The following ARID2 variants were observed in gnomAD, a reference collection of about 807,000 sequenced individuals.
ARID2 encodes the protein AT-rich interactive domain-containing protein 2.
In ARID2, 32 loss-of-function variants were observed where a neutral mutation model predicts 184.6. That is an observed-to-expected ratio of 0.17 (90% CI 0.13 to 0.23). ARID2 has a LOEUF of 0.23. ARID2 is among the 10% of genes least tolerant of loss of function. The pLI, the probability that ARID2 is intolerant of heterozygous loss-of-function variation, is 1.00. For synonymous variants in ARID2, 836 were observed against 772.6 expected, an observed-to-expected ratio of 1.08 and a Z score of -1.36; for missense variants, 1,696 against 2,197.6, an observed-to-expected ratio of 0.77 and a Z score of 4.56.
intron 6 of ARID2, among the ~76,000 whole-genome samples, chr12:45,829,679 GTTATC>G (rs1943072228): frequency 7.0e-6 from 1 of 142,594 alleles, no homozygotes; most frequent in Non-Finnish European, 1.6e-5. Flanking sequence ...TTTCTTCTAG[GTTATC>G]TTGTCTTTAT....
Position 45,852,350 on chromosome 12 carries a change from T to C in ARID2, c.4227T>C (p.Gly1409=), listed in dbSNP as rs61745993. The C allele has an allele frequency of 7.2e-5, 116 of 1,614,086 alleles. No homozygotes were observed. The African/African-American group carries it at 1.3e-3, about 18-fold the overall frequency. The change falls in exon 15 of 21, where the codon GGT becomes GGC. Residue 1409 remains glycine (G), a synonymous_variant. Coordinates refer to ENST00000334344, the MANE Select transcript of ARID2 (RefSeq NM_152641.4). ...TCACTCAGCAAGATACTGCCAAAGG[T>C]GATCAACTAGAAAGAATTTCTAATG... ...LDITQQDTAK[G]DQLERISNGP...
chr12:45,738,779 CTTTTTTTTTTTTTTTTT>C (rs11333868), intron 3 of ARID2, among the ~76,000 whole-genome samples: 26,114 of 65,068 alleles, frequency 0.4, 3,803 homozygotes, highest in Middle Eastern at 0.49. Context: ...ATATGGGCTA[CTTTTTTTTTTTTTTTTT>C]TTTTTTTTTT....
At chr12:45,896,955 C>A (rs911199668) in intron 20 of ARID2, among the ~76,000 whole-genome samples, 1 of 152,134 alleles carries the variant, frequency 6.6e-6, no homozygotes, top group Non-Finnish European at 1.5e-5. Context: ...AGAATTCATA[C>A]GTAATCTCAA....
intron 11 of ARID2, chr12:45,841,635 A>T (rs1487727373): frequency 6.6e-6 from 1 of 152,190 alleles, no homozygotes; most frequent in Admixed American, 6.5e-5. Flanking sequence ...ATCATAATTT[A>T]AATAGTTGCA....
At chr12:45,803,732 C>T (rs866251136) in intron 3 of ARID2, among the ~76,000 whole-genome samples, 1 of 152,110 alleles carries the variant, frequency 6.6e-6, no homozygotes, top group African/African-American at 2.4e-5. Flanking sequence ...TACTCTGCCA[C>T]TTTATTGTTT....
intron 16 of ARID2, among the ~76,000 whole-genome samples, chr12:45,872,560 G>A (rs188647870): frequency 2.6e-5 from 4 of 152,228 alleles, no homozygotes; most frequent in South Asian, 2.1e-4. Flanking sequence ...AAGTAAACAC[G>A]TCCTTCACAT....
chr12:45,848,977 T>C lies in ARID2; in HGVS notation c.1715+7T>C, dbSNP rs763587600. The C allele has an allele frequency of 1.2e-6, 2 of 1,606,032 alleles. No homozygotes were observed. Among genetic ancestry groups the C allele is most frequent in the Non-Finnish European group, 1.7e-6 (2 of 1,176,608 alleles). On this transcript the variant is annotated splice_region_variant and intron_variant, in intron 13 of 20. Coordinates refer to ENST00000334344, the MANE Select transcript of ARID2 (RefSeq NM_152641.4). ...GATTTTATAAATGTCTTAGGTAGGA[T>C]CCATAGTTCTTTAAATAAAGTCCAT...
At position 45,850,290 on chromosome 12, in the gene ARID2, A is replaced by G. The variant is rs746167865; in HGVS notation, c.2167A>G (p.Ile723Val). ...TAAGGCTACAGTTATCCAGAATTCC[A>G]TACCCCAGACAGGAGTTCCTGTTAG... Reference protein sequence around the residue: ...VVKATVIQNSIPQTGVPVSIA... With the variant: ...VVKATVIQNSVPQTGVPVSIA... Residue 723 changes from isoleucine to valine, a missense_variant, in exon 15 of 21, where the codon ATA (isoleucine) becomes GTA (valine). Around this residue, in one of 11 missense-constraint regions of ARID2, gnomAD observed 713 missense variants for 824.4 expected, o/e 0.86. Coordinates refer to ENST00000334344, the MANE Select transcript of ARID2 (RefSeq NM_152641.4). The G allele has an allele frequency of 1.9e-6, 3 of 1,614,098 alleles. No homozygotes were observed. Among genetic ancestry groups the G allele is most frequent in the Non-Finnish European group, 2.5e-6 (3 of 1,179,968 alleles).
intron 16 of ARID2, among the ~76,000 whole-genome samples, chr12:45,889,079 G>A (rs1182878911): frequency 6.6e-6 from 1 of 152,168 alleles, no homozygotes; most frequent in African/African-American, 2.4e-5. Context: ...CTACTCGGGA[G>A]GCTGAGGCAA....
At chr12:45,764,550 C>T (rs1206199127) in intron 3 of ARID2, among the ~76,000 whole-genome samples, 4 of 152,176 alleles carry the variant, frequency 2.6e-5, no homozygotes, top group Non-Finnish European at 5.9e-5. Context: ...CTGGCAACCG[C>T]TAATCTGTTT....
intron 3 of ARID2, among the ~76,000 whole-genome samples, chr12:45,771,611 T>A (rs1473212440): frequency 6.6e-6 from 1 of 151,750 alleles, no homozygotes; most frequent in Non-Finnish European, 1.5e-5. Flanking sequence ...AGTTTGAGGC[T>A]GCAGTGAGCT....
At chr12:45,792,864 G>A (rs1448533345) in intron 3 of ARID2, among the ~76,000 whole-genome samples, 1 of 151,984 alleles carries the variant, frequency 6.6e-6, no homozygotes, top group Admixed American at 6.6e-5. Context: ...CAGCCAATTT[G>A]GTTAATATCT....
chr12:45,838,876 T>C (rs1200230199), intron 10 of ARID2, among the ~76,000 whole-genome samples: 1 of 151,538 alleles, frequency 6.6e-6, no homozygotes, highest in Non-Finnish European at 1.5e-5. Context: ...TTGTTTTTTT[T>C]TTTTTTTGAG....
At chr12:45,868,238 C>T (rs560258011) in intron 16 of ARID2, among the ~76,000 whole-genome samples, 8 of 152,254 alleles carry the variant, frequency 5.3e-5, no homozygotes, top group African/African-American at 1.9e-4. Flanking sequence ...GTCAGGAGTT[C>T]GAGACCAGCC....
At position 45,852,606 on chromosome 12, in the gene ARID2, C is replaced by T. The variant is rs2138180044; in HGVS notation, c.4483C>T (p.His1495Tyr). ...AVPDSGSKVS[H>Y]SPALSSDVRS... ...TCCCGACTCAGGATCAAAAGTATCC[C>T]ATTCTCCTGCCCTATCATCTGACGT... Residue 1495 changes from histidine to tyrosine, a missense_variant, in exon 15 of 21, where the codon CAT (histidine) becomes TAT (tyrosine). By Grantham distance (83) the His-to-Tyr change is moderately conservative. Coordinates refer to ENST00000334344, the MANE Select transcript of ARID2 (RefSeq NM_152641.4). 6.2e-7 allele frequency: 1 copy of T among 1,614,162 alleles called. No homozygotes were observed. Among genetic ancestry groups the T allele is most frequent in the East Asian group, 2.2e-5 (1 of 44,890 alleles).
chr12:45,859,006 T>G (rs551390349), intron 15 of ARID2, among the ~76,000 whole-genome samples: 2 of 152,340 alleles, frequency 1.3e-5, no homozygotes, highest in South Asian at 4.1e-4. Context: ...CTTCCTTCTT[T>G]CATTTGTATG....
At chr12:45,760,389 T>C (rs1463499949) in intron 3 of ARID2, among the ~76,000 whole-genome samples, 1 of 152,198 alleles carries the variant, frequency 6.6e-6, no homozygotes, top group Non-Finnish European at 1.5e-5. Flanking sequence ...ATTTTGAGGT[T>C]TTTAAATTTT....
intron 5 of ARID2, among the ~76,000 whole-genome samples, chr12:45,818,570 A>G (rs1288879223): frequency 1.3e-5 from 2 of 152,022 alleles, no homozygotes; most frequent in African/African-American, 2.4e-5. Flanking sequence ...CCCAACTCCA[A>G]CCCCATTTTT....
At chr12:45,766,429 A>T (rs1160194638) in intron 3 of ARID2, among the ~76,000 whole-genome samples, 1 of 151,874 alleles carries the variant, frequency 6.6e-6, no homozygotes, top group African/African-American at 2.4e-5. Flanking sequence ...TGGCCTCCCA[A>T]AGTGTTGGGA....
Sources: allele counts gnomAD v4.1 joint callset (sites outside exome capture counted in the v4.1 genomes callset), GRCh38; gene constraint gnomAD v4.1.1; regional missense constraint gnomAD v4.1.1; transcripts MANE v1.5; gene names NCBI Gene and HGNC (gene_info 2026-07-23, HGNC 2026-07-21).